The following MAX variants were observed in gnomAD, a reference collection of about 807,000 sequenced individuals.
MAX encodes the protein MYC associated transcriptional regulator X.
Under a neutral mutation model 22.3 loss-of-function variants are expected in MAX, and 3 were observed. That is an observed-to-expected ratio of 0.13 (90% CI 0.06 to 0.35). MAX has a LOEUF of 0.35. Ranked by LOEUF, MAX falls within the 10% of genes least tolerant of loss-of-function variation. MAX has a pLI of 1.00. For synonymous variants in MAX, 72 were observed against 77.7 expected, an observed-to-expected ratio of 0.93 and a Z score of 0.39; for missense variants, 119 against 209.4, an observed-to-expected ratio of 0.57 and a Z score of 2.66.
chr14:65,084,119 C>G lies in MAX; in HGVS notation c.172-6083G>C. 6.2e-7 allele frequency: 1 copy of G among 1,606,912 alleles called. No homozygotes were observed. On this transcript the variant is annotated intron_variant, in intron 3 of 4. Transcript: ENST00000358664. The surrounding 1 kb of genome is among the most constrained non-coding windows in gnomAD (Gnocchi z 4.3). Reference sequence around the variant, plus strand: ...AGGGTAAGGCAGAGCTATCAGCCCTCAAGCAGCTTAATTAAAGCCAGGAGT... The same window carrying G: ...AGGGTAAGGCAGAGCTATCAGCCCTGAAGCAGCTTAATTAAAGCCAGGAGT...
intron 3 of MAX, among the ~76,000 whole-genome samples, chr14:65,035,052 CTT>C (rs1289197770): frequency 2.0e-5 from 3 of 152,244 alleles, no homozygotes; most frequent in African/African-American, 7.2e-5. Context: ...TATGTGGAAA[CTT>C]GAACTGAGTT....
intron 3 of MAX, among the ~76,000 whole-genome samples, chr14:65,045,097 GTAGT>G (rs2062446237): frequency 6.6e-6 from 1 of 152,168 alleles, no homozygotes; most frequent in Non-Finnish European, 1.5e-5. Context: ...CAAAACCGAA[GTAGT>G]TAGTGAGCAA....
chr14:65,080,775 C>T (rs78059447), intron 3 of MAX, among the ~76,000 whole-genome samples: 2,304 of 152,222 alleles, frequency 0.015, 29 homozygotes, highest in Admixed American at 0.024. Flanking sequence ...CATGTGCATC[C>T]GGGACAAGGG....
At chr14:65,040,500 G>T (rs1461152830) in intron 3 of MAX, among the ~76,000 whole-genome samples, 5 of 151,642 alleles carry the variant, frequency 3.3e-5, no homozygotes, top group Non-Finnish European at 7.4e-5. Context: ...GAGCACAATG[G>T]TGTGATCATA....
rs117802316 is a variant in MAX at position 65,075,873 on chromosome 14, G to A, written c.*603C>T. Reference sequence around the variant, plus strand: ...AAACATGCCAGCGACTCTGTGCTGCGAATCTGTCCCCACTTCCTTTTTATA... The same window carrying A: ...AAACATGCCAGCGACTCTGTGCTGCAAATCTGTCCCCACTTCCTTTTTATA... On this transcript the variant is annotated 3_prime_UTR_variant, in exon 5 of 5. Transcript: ENST00000358664. The surrounding 1 kb of genome is among the most constrained non-coding windows in gnomAD (Gnocchi z 4.1). The A allele has an allele frequency of 6.6e-6, 7 of 1,066,772 alleles. No individual in the cohort carries two copies. Among genetic ancestry groups the A allele is most frequent in the Admixed American group, 5.3e-5 (1 of 19,016 alleles). The allele number at this position is 1,066,772 out of a possible 1,614,324, so 66.1% of individuals were successfully genotyped here.
intron 3 of MAX, among the ~76,000 whole-genome samples, chr14:65,020,084 C>T (rs905618767): frequency 2.0e-5 from 3 of 152,204 alleles, no homozygotes; most frequent in Admixed American, 6.5e-5. Context: ...CCTACACTTA[C>T]ACAAAGGTTT....
intron 3 of MAX, among the ~76,000 whole-genome samples, chr14:65,017,203 G>A (rs566839626): frequency 5.9e-5 from 9 of 152,270 alleles, no homozygotes; most frequent in African/African-American, 2.2e-4. Context: ...GATAACAGGT[G>A]TGAGCCACCA....
In MAX at chr14:65,047,875, A is replaced by T. The variant is rs2139656838; in HGVS notation, c.172-41591T>A. On this transcript the variant is annotated intron_variant, in intron 3 of 3. Coordinates refer to the MAX transcript ENST00000341653. This position sits in a 1 kb window ranked among gnomAD's most constrained non-coding sequence, Gnocchi z 5.2. ...GCAGTGCCTGGGCACACAGCCCGAG[A>T]TGTACACAGCTTTTCCTGGAACCCT... Among the ~76,000 whole-genome samples, 1 of 152,056 alleles carries T rather than the reference A, an allele frequency of 6.6e-6. No individual in the cohort carries two copies. The highest frequency in any genetic ancestry group is 1.9e-4 in the East Asian group (1 of 5,164).
intron 3 of MAX, among the ~76,000 whole-genome samples, chr14:65,063,265 T>C (rs897587961): frequency 2.0e-5 from 3 of 152,224 alleles, no homozygotes; most frequent in African/African-American, 4.8e-5. Context: ...AGGCAACATA[T>C]TGAAATGCAT....
chr14:65,043,311 C>T (rs930839033), intron 3 of MAX, among the ~76,000 whole-genome samples: 4 of 152,114 alleles, frequency 2.6e-5, no homozygotes, highest in South Asian at 2.1e-4. Flanking sequence ...ATGGTGGTAT[C>T]GTGTGTGACC....
chr14:65,098,638 T>G (rs1340032030), intron 2 of MAX, among the ~76,000 whole-genome samples: 1 of 152,246 alleles, frequency 6.6e-6, no homozygotes, highest in Non-Finnish European at 1.5e-5. Flanking sequence ...CAAATTTATC[T>G]TTAAAATGCA....
intron 3 of MAX, among the ~76,000 whole-genome samples, chr14:65,017,558 T>A (rs2061800877): frequency 1.3e-5 from 2 of 152,338 alleles, no homozygotes; most frequent in South Asian, 4.1e-4. Context: ...CAGCGCCGCT[T>A]CTGGGGCAAT....
chr14:65,083,671 G>A, intron 3 of MAX: 1 of 984,298 alleles, frequency 1.0e-6, no homozygotes, highest in Non-Finnish European at 1.2e-6. Context: ...GTGGGCTGAT[G>A]TTACAGCTGT....
At chr14:65,087,636 T>C (rs189127799) in intron 3 of MAX, among the ~76,000 whole-genome samples, 14 of 152,336 alleles carry the variant, frequency 9.2e-5, no homozygotes, top group African/African-American at 3.1e-4. Flanking sequence ...CCAATGCCTG[T>C]ACCCCCACTC....
intron 3 of MAX, among the ~76,000 whole-genome samples, chr14:65,064,040 C>T (rs979283604): frequency 6.6e-6 from 1 of 152,180 alleles, no homozygotes; most frequent in Non-Finnish European, 1.5e-5. Flanking sequence ...GGGAAGCCTG[C>T]CAGACCCTAC....
intron 3 of MAX, among the ~76,000 whole-genome samples, chr14:65,045,870 C>G (rs931669914): frequency 1.3e-5 from 2 of 152,350 alleles, no homozygotes; most frequent in African/African-American, 4.8e-5. Context: ...AAGGCACTTA[C>G]CCTTGGAACA....
chr14:65,059,390 G>A (rs1411909227), intron 3 of MAX, among the ~76,000 whole-genome samples: 1 of 151,432 alleles, frequency 6.6e-6, no homozygotes, highest in Non-Finnish European at 1.5e-5. Flanking sequence ...CTGTTTCTTT[G>A]TAGGTTTGAT....
At chr14:65,015,247 C>T (rs557393478) in intron 3 of MAX, among the ~76,000 whole-genome samples, 5 of 151,948 alleles carry the variant, frequency 3.3e-5, no homozygotes, top group African/African-American at 7.2e-5. Context: ...GGATTACAGG[C>T]GCACATCACT....
chr14:65,008,126 T>C (rs1052258105), intron 3 of MAX, among the ~76,000 whole-genome samples: 2 of 152,254 alleles, frequency 1.3e-5, no homozygotes, highest in Non-Finnish European at 2.9e-5. Context: ...TAAGTTCACC[T>C]TTCCTCGATT....
Sources: allele counts gnomAD v4.1 joint callset (sites outside exome capture counted in the v4.1 genomes callset), GRCh38; gene constraint gnomAD v4.1.1; non-coding constraint Gnocchi (gnomAD v3.1); transcripts MANE v1.5; gene names NCBI Gene and HGNC (gene_info 2026-07-23, HGNC 2026-07-21).